The following FSTL4 variants were observed in gnomAD, a reference collection of about 807,000 sequenced individuals.
FSTL4 encodes follistatin like 4, also known as follistatin-related protein 4.
In FSTL4, 28 loss-of-function variants were observed where a neutral mutation model predicts 78.2. The ratio of observed to expected loss-of-function variants is 0.36; its 90% CI spans 0.27 to 0.49. FSTL4 has a LOEUF of 0.49. FSTL4 is among the 20% of genes least tolerant of loss of function. FSTL4 has a pLI of 0.98. For missense variants in FSTL4, 922 were observed against 1,084.9 expected, an observed-to-expected ratio of 0.85 and a Z score of 2.11; for synonymous variants, 422 against 440.5, an observed-to-expected ratio of 0.96 and a Z score of 0.53.
At chr5:133,400,322 C>T (rs112089891) in intron 4 of FSTL4, among the ~76,000 whole-genome samples, 19 of 152,338 alleles carry the variant, frequency 1.2e-4, no homozygotes, top group Non-Finnish European at 2.2e-4. Context: ...GAAGACATTG[C>T]GCTGGTGTCT....
At chr5:133,248,111 G>A (rs1179036975) in intron 7 of FSTL4, 1 of 152,270 alleles carries the variant, frequency 6.6e-6, no homozygotes, top group East Asian at 1.9e-4. Context: ...AAGGAGCTCA[G>A]CGCCTCCTGT....
At chr5:133,645,434 A>T in the FSTL4 span, among the ~76,000 whole-genome samples, 1 of 152,120 alleles carries the variant, frequency 6.6e-6, no homozygotes, top group African/African-American at 2.4e-5. Context: ...ATTTCTAATC[A>T]AGGGTAAGGG....
chr5:133,756,677 C>T, the FSTL4 span, among the ~76,000 whole-genome samples: 16 of 151,968 alleles, frequency 1.1e-4, no homozygotes, highest in Admixed American at 6.6e-4. Flanking sequence ...GAGGAGGGTG[C>T]GGGATAGAGG....
At position 133,611,195 on chromosome 5, in the gene FSTL4, C is replaced by G. The variant is rs945372840; in HGVS notation, c.-11+1130G>C. On this transcript the variant is annotated intron_variant, in intron 1 of 15. Transcript: ENST00000265342. The surrounding 1 kb of genome is among the most constrained non-coding windows in gnomAD (Gnocchi z 4.9). ...TGGACAGCGCCCCGGCACCCGCTCTCGAGCCGCGACACCGACCTCGCCGGG... is the reference window on the plus strand; with the variant it reads ...TGGACAGCGCCCCGGCACCCGCTCTGGAGCCGCGACACCGACCTCGCCGGG... Among the ~76,000 whole-genome samples the G allele has an allele frequency of 4.6e-5, 7 of 152,042 alleles. No homozygotes were observed. The highest frequency in any genetic ancestry group is 1.7e-4 in the African/African-American group (7 of 41,412).
At chr5:133,789,739 G>A in the FSTL4 span, among the ~76,000 whole-genome samples, 1 of 152,190 alleles carries the variant, frequency 6.6e-6, no homozygotes. Context: ...TCTGTCAAGG[G>A]CATTCATCCA....
chr5:133,623,443 C>T, the FSTL4 span, among the ~76,000 whole-genome samples: 1 of 151,898 alleles, frequency 6.6e-6, no homozygotes, highest in Non-Finnish European at 1.5e-5. Flanking sequence ...ACTCAATATC[C>T]ACATGCAAAA....
chr5:133,458,946 G>T (rs957685405), intron 3 of FSTL4, among the ~76,000 whole-genome samples: 4 of 152,112 alleles, frequency 2.6e-5, no homozygotes, highest in Non-Finnish European at 5.9e-5. Context: ...CGGAGGAGAG[G>T]CGCAGCGGAC....
chr5:133,345,608 A>T (rs1369148250), intron 4 of FSTL4, among the ~76,000 whole-genome samples: 1 of 152,212 alleles, frequency 6.6e-6, no homozygotes, highest in Non-Finnish European at 1.5e-5. Flanking sequence ...TACAAGGTGT[A>T]AGGAAGGAGT....
intron 3 of FSTL4, among the ~76,000 whole-genome samples, chr5:133,562,993 G>C (rs543516298): frequency 6.6e-6 from 1 of 152,182 alleles, no homozygotes. Context: ...CTTCAGAAAA[G>C]GGTGAAATTA....
chr5:133,228,158 T>C (rs1022164496), intron 8 of FSTL4, among the ~76,000 whole-genome samples: 4 of 152,056 alleles, frequency 2.6e-5, no homozygotes, highest in Admixed American at 1.3e-4. Flanking sequence ...GCCCGGAAGG[T>C]TGAGGCTGTA....
chr5:133,683,715 C>T, the FSTL4 span, among the ~76,000 whole-genome samples: 9 of 152,130 alleles, frequency 5.9e-5, no homozygotes, highest in Non-Finnish European at 1.2e-4. Context: ...TAACCAAGGA[C>T]GTTGATTCCC....
At chr5:133,393,626 A>G (rs570030133) in intron 4 of FSTL4, among the ~76,000 whole-genome samples, 83 of 152,382 alleles carry the variant, frequency 5.4e-4, no homozygotes, top group Admixed American at 1.2e-3. Flanking sequence ...GGGAGTCTGG[A>G]GAGAAAGTGG....
intron 6 of FSTL4, among the ~76,000 whole-genome samples, chr5:133,296,507 G>C (rs1383896716): frequency 1.3e-5 from 2 of 152,138 alleles, no homozygotes; most frequent in Non-Finnish European, 2.9e-5. Flanking sequence ...CTTTGACCCT[G>C]CCCCCAGCTT....
chr5:133,376,658 G>A (rs1004366490), intron 4 of FSTL4, among the ~76,000 whole-genome samples: 1 of 152,160 alleles, frequency 6.6e-6, no homozygotes, highest in Non-Finnish European at 1.5e-5. Flanking sequence ...GGAGGCCAAG[G>A]TGGGTGGATC....
the FSTL4 span, among the ~76,000 whole-genome samples, chr5:133,718,852 T>C: frequency 2.0e-5 from 3 of 152,250 alleles, no homozygotes; most frequent in African/African-American, 7.2e-5. Flanking sequence ...ATTGAAACCA[T>C]GTACATACCA....
At chr5:133,730,810 G>A in the FSTL4 span, among the ~76,000 whole-genome samples, 1 of 152,174 alleles carries the variant, frequency 6.6e-6, no homozygotes, top group Non-Finnish European at 1.5e-5. Flanking sequence ...GGCTTCTGGA[G>A]CAATTAGAGA....
chr5:133,640,591 T>G, the FSTL4 span, among the ~76,000 whole-genome samples: 1 of 152,204 alleles, frequency 6.6e-6, no homozygotes, highest in African/African-American at 2.4e-5. Context: ...TGTGGAGTGC[T>G]GGCCTGATTC....
At chr5:133,670,037 G>A in the FSTL4 span, among the ~76,000 whole-genome samples, 3 of 152,024 alleles carry the variant, frequency 2.0e-5, no homozygotes, top group Non-Finnish European at 4.4e-5. Context: ...TTTGCTACAC[G>A]CTCCGCTCCC....
chr5:133,619,574 C>A, the FSTL4 span, among the ~76,000 whole-genome samples: 1 of 152,166 alleles, frequency 6.6e-6, no homozygotes, highest in Non-Finnish European at 1.5e-5. Flanking sequence ...TTGCCAAGAA[C>A]CCCAAGCTGG....
Sources: allele counts gnomAD v4.1 joint callset (sites outside exome capture counted in the v4.1 genomes callset), GRCh38; gene constraint gnomAD v4.1.1; non-coding constraint Gnocchi (gnomAD v3.1); transcripts MANE v1.5; gene names NCBI Gene and HGNC (gene_info 2026-07-23, HGNC 2026-07-21).